The following TMEM131 variants were observed in gnomAD, a reference collection of about 807,000 sequenced individuals.
The protein encoded by TMEM131 is transmembrane protein 131, also known as 2610524E03Rik.
TMEM131 carries 66 observed loss-of-function variants against 211.6 expected under a neutral mutation model. The ratio of observed to expected loss-of-function variants is 0.31; its 90% CI spans 0.26 to 0.38. The LOEUF is 0.38. TMEM131 is among the 10% of genes least tolerant of loss of function. TMEM131 has a pLI of 1.00. For missense variants in TMEM131, 2,036 were observed against 2,299.3 expected, an observed-to-expected ratio of 0.89 and a Z score of 2.34; for synonymous variants, 844 against 841.3, an observed-to-expected ratio of 1.00 and a Z score of -0.06.
intron 31 of TMEM131, among the ~76,000 whole-genome samples, chr2:97,784,316 T>C (rs1380778523): frequency 6.6e-6 from 1 of 152,110 alleles, no homozygotes; most frequent in Non-Finnish European, 1.5e-5. Context: ...GACCATATAC[T>C]GGGCCATAAA....
chr2:97,970,340 G>A (rs931095616), intron 1 of TMEM131, among the ~76,000 whole-genome samples: 12 of 152,138 alleles, frequency 7.9e-5, no homozygotes, highest in African/African-American at 2.4e-4. Context: ...TGGAGGCAAG[G>A]TGCGGGAGGA....
intron 5 of TMEM131, among the ~76,000 whole-genome samples, chr2:97,846,947 G>A (rs897557496): frequency 1.2e-4 from 19 of 152,204 alleles, no homozygotes; most frequent in African/African-American, 4.1e-4. Context: ...TTGGGAGGCC[G>A]AGGTGGGCGG....
intron 28 of TMEM131, 76 bp from the exon 29 acceptor site, chr2:97,795,191 T>C: frequency 9.5e-7 from 1 of 1,051,894 alleles, no homozygotes; most frequent in South Asian, 1.7e-5. Flanking sequence ...ACTGGTCCTA[T>C]AAGCCTTTGA....
rs1173549368 is a variant in TMEM131 at position 97,805,676 on chromosome 2, T to G, written c.2083A>C (p.Ile695Leu). 1 of 1,601,148 alleles carries G rather than the reference T, an allele frequency of 6.2e-7. No homozygotes were observed. Among genetic ancestry groups the G allele is most frequent in the African/African-American group, 1.3e-5 (1 of 74,648 alleles). The change falls in exon 20 of 41, where the codon ATT (isoleucine) becomes CTT (leucine). Residue 695 changes from isoleucine (I) to leucine (L), a missense_variant. By Grantham distance (5) the Ile-to-Leu change is conservative. Transcript: ENST00000186436. ...ACCTTCTGTGAGAAGGAATTCATAA[T>G]ATTTAAACTTTGATGAACTATTTTC... ...PGKIVHQSLN[I>L]MNSFSQKVKI...
At chr2:97,969,740 T>C in intron 1 of TMEM131, among the ~76,000 whole-genome samples, 1 of 152,256 alleles carries the variant, frequency 6.6e-6, no homozygotes, top group East Asian at 1.9e-4. Context: ...AATAGAACTA[T>C]GAAACTGAAA....
chr2:97,842,084 T>C, intron 6 of TMEM131, 147 bp from the exon 7 acceptor site: 1 of 745,512 alleles, frequency 1.3e-6, no homozygotes, highest in African/African-American at 1.8e-5. Flanking sequence ...CCCCCACAAA[T>C]GTTGTTTCTG....
rs531099522 is a variant in TMEM131, at chr2:97,788,442, C to T, written c.4144+3944G>A. 1.4e-4 allele frequency among the ~76,000 whole-genome samples: 22 copies of T among 152,292 alleles called. No homozygotes were observed. The East Asian group carries it at 1.7e-3, about 12-fold the overall frequency. On this transcript the variant is annotated intron_variant, in intron 31 of 40. Transcript: ENST00000186436. ...AGTTCAAGTAAAAACTTCCCTAAAC[C>T]CACATGCTGCCTCAAGTTGACTCCT...
rs1431928362 is a variant in TMEM131, at chr2:97,792,442, G to A, written c.4088C>T (p.Ser1363Phe). The A allele has an allele frequency of 4.3e-6, 7 of 1,613,004 alleles. No homozygotes were observed. The highest frequency in any genetic ancestry group is 4.5e-5 in the East Asian group (2 of 44,882). Residue 1363 changes from serine (S) to phenylalanine (F), a missense_variant, in exon 31 of 41, where the codon TCC (serine) becomes TTC (phenylalanine). By Grantham distance (155) the Ser-to-Phe change is radical. Transcript: ENST00000186436. Reference sequence around the variant, plus strand: ...CTCTGTAAACACTTCTAGGGCTGGGGAGTCATGGTGGTCGAAGTCTTTGTC... The same window carrying A: ...CTCTGTAAACACTTCTAGGGCTGGGAAGTCATGGTGGTCGAAGTCTTTGTC... ...AMDKDFDHHD[S>F]PALEVFTEQP...
chr2:97,981,027 CCAAAAAAAAAA>C, intron 1 of TMEM131, among the ~76,000 whole-genome samples: 1 of 11,020 alleles, frequency 9.1e-5, no homozygotes, highest in Non-Finnish European at 1.6e-4. Context: ...GAACTACACA[CCAAAAAAAAAA>C]AAAAAAAAAA....
chr2:97,894,610 T>C (rs1170823513), intron 3 of TMEM131, among the ~76,000 whole-genome samples: 1 of 152,190 alleles, frequency 6.6e-6, no homozygotes, highest in Non-Finnish European at 1.5e-5. Context: ...CCCTTGTAAG[T>C]TGGATTCCTA....
intron 25 of TMEM131, among the ~76,000 whole-genome samples, chr2:97,798,121 GCTTA>G (rs1278512403): frequency 2.6e-5 from 4 of 152,200 alleles, no homozygotes; most frequent in African/African-American, 4.8e-5. Flanking sequence ...GGTTACACAC[GCTTA>G]CTGTTTCATA....
At chr2:97,952,417 C>A (rs1278693031) in intron 1 of TMEM131, among the ~76,000 whole-genome samples, 1 of 152,122 alleles carries the variant, frequency 6.6e-6, no homozygotes, top group African/African-American at 2.4e-5. Flanking sequence ...ACATCACAAA[C>A]TTCTGAAAAC....
chr2:97,795,138 A>G, intron 28 of TMEM131, 23 bp from the exon 29 acceptor site: 1 of 1,578,614 alleles, frequency 6.3e-7, no homozygotes, highest in Non-Finnish European at 8.6e-7. Flanking sequence ...GATGGTAGTA[A>G]GGCTAAGTTT....
rs1681261026 is a variant in TMEM131 at position 97,805,629 on chromosome 2, A to C, written c.2130T>G (p.Ser710=). 8 of 1,611,734 alleles carry C rather than the reference A, an allele frequency of 5.0e-6. No homozygotes were observed. The East Asian group carries it at 1.8e-4, about 36-fold the overall frequency. ...SQKVKIQQIR[S]LSEDVRFYYK... ...AGTAAAATCGCACATCTTCTGACAA[A>C]GATCGTATTTGCTGTATTTTTACCT... is the stretch of plus-strand genomic sequence containing the variant. Residue 710 remains serine, a synonymous_variant, in exon 20 of 41, where the codon TCT becomes TCG. Coordinates refer to ENST00000186436, the MANE Select transcript of TMEM131 (RefSeq NM_015348.2).
At chr2:97,881,170 T>C (rs1331005097) in intron 4 of TMEM131, among the ~76,000 whole-genome samples, 4 of 152,144 alleles carry the variant, frequency 2.6e-5, no homozygotes, top group East Asian at 1.9e-4. Flanking sequence ...TGCAAGATGA[T>C]TGCCGCAGTA....
intron 3 of TMEM131, among the ~76,000 whole-genome samples, chr2:97,899,714 C>G (rs1468598688): frequency 6.6e-6 from 1 of 152,052 alleles, no homozygotes; most frequent in East Asian, 1.9e-4. Context: ...ACTCACCAAC[C>G]CCACTTCCAG....
chr2:97,912,669 G>T (rs1182095292), intron 2 of TMEM131, among the ~76,000 whole-genome samples: 1 of 152,164 alleles, frequency 6.6e-6, no homozygotes, highest in African/African-American at 2.4e-5. Flanking sequence ...GTATATGCAT[G>T]TGAGTTTGGA....
In TMEM131 at chr2:97,775,899, TATC is replaced by T. The variant is rs770663487; in HGVS notation, c.4261_4263del (p.Asp1421del). 4 of 1,614,000 alleles carry T rather than the reference TATC, an allele frequency of 2.5e-6. No homozygotes were observed. The highest frequency in any genetic ancestry group is 3.4e-6 in the Non-Finnish European group (4 of 1,179,886). ...GAGGTCTCTGTGGTGGTGGAGGAGC[TATC>T]ATCATCAGCCAAAGAGTCCTTCAGC... On this transcript the variant is annotated inframe_deletion, in exon 32 of 41. Transcript: ENST00000186436.
chr2:97,884,047 T>A (rs1675041054), intron 4 of TMEM131, among the ~76,000 whole-genome samples: 1 of 150,770 alleles, frequency 6.6e-6, no homozygotes, highest in African/African-American at 2.4e-5. Context: ...TTTTTTGATG[T>A]AGGATTTATT....
Sources: gnomAD v4.1 joint callset for allele counts (sites outside exome capture counted in the v4.1 genomes callset) on GRCh38, gnomAD v4.1.1 for gene constraint, MANE v1.5 for transcripts, NCBI Gene and HGNC (gene_info 2026-07-23, HGNC 2026-07-21) for gene names.